RIMS2: variants seen among roughly 807,000 people sequenced by gnomAD.
RIMS2 encodes regulating synaptic membrane exocytosis protein 2.
In RIMS2, 59 loss-of-function variants were observed where a neutral mutation model predicts 174.4. The observed-to-expected ratio is 0.34, with a 90% confidence interval of 0.27 to 0.42. RIMS2 has a LOEUF of 0.42. Among genes scored for constraint, RIMS2 ranks in the 10% least tolerant of loss-of-function variants. The pLI, the probability that RIMS2 is intolerant of heterozygous loss-of-function variation, is 1.00. For synonymous variants in RIMS2, 606 were observed against 572.5 expected (o/e 1.06, Z -0.84); for missense variants, 1,620 against 1,666.3 (o/e 0.97, Z 0.48).
chr8:104,210,123 G>A (rs1420491592), intron 19 of RIMS2, among the ~76,000 whole-genome samples: 16 of 152,072 alleles, frequency 1.1e-4, no homozygotes, highest in Admixed American at 7.9e-4. Flanking sequence ...TTTTGTATAC[G>A]TAGAAACACC....
At chr8:103,821,164 A>G (rs2098749395) in intron 3 of RIMS2, among the ~76,000 whole-genome samples, 2 of 151,586 alleles carry the variant, frequency 1.3e-5, no homozygotes, top group African/African-American at 4.8e-5. Context: ...GAAAATAACT[A>G]TTTTTTGAGG....
At chr8:104,211,754 T>C (rs2099106394) in intron 19 of RIMS2, among the ~76,000 whole-genome samples, 1 of 152,166 alleles carries the variant, frequency 6.6e-6, no homozygotes, top group Non-Finnish European at 1.5e-5. Flanking sequence ...CCTCAAGTGA[T>C]CTGCCCAACT....
chr8:103,713,234 G>A (rs2097329403), intron 2 of RIMS2, among the ~76,000 whole-genome samples: 1 of 152,158 alleles, frequency 6.6e-6, no homozygotes, highest in African/African-American at 2.4e-5. Flanking sequence ...GGCCAGGCTG[G>A]TCTCGAACTA....
At chr8:104,157,078 A>G (rs2098729136) in intron 19 of RIMS2, among the ~76,000 whole-genome samples, 1 of 152,238 alleles carries the variant, frequency 6.6e-6, no homozygotes, top group Non-Finnish European at 1.5e-5. Context: ...CTTTAAAATT[A>G]TAACAGTGTT....
chr8:104,188,379 ATT>A (rs1423260443), intron 19 of RIMS2, among the ~76,000 whole-genome samples: 5 of 151,688 alleles, frequency 3.3e-5, no homozygotes, highest in Admixed American at 1.3e-4. Flanking sequence ...CCATTTCAAT[ATT>A]GTTTTTCTTT....
At chr8:103,549,444 C>T (rs1846626447) in intron 1 of RIMS2, among the ~76,000 whole-genome samples, 1 of 152,138 alleles carries the variant, frequency 6.6e-6, no homozygotes, top group Admixed American at 6.5e-5. Context: ...AACACCAGGC[C>T]TACCTTACAA....
chr8:103,635,918 G>C (rs555968690), intron 1 of RIMS2, among the ~76,000 whole-genome samples: 1 of 150,712 alleles, frequency 6.6e-6, no homozygotes, highest in East Asian at 2.0e-4. Context: ...TTGGGCAGGG[G>C]GTAGTTGGAG....
chr8:104,022,080 T>C (rs771436248), intron 19 of RIMS2, among the ~76,000 whole-genome samples: 1 of 152,082 alleles, frequency 6.6e-6, no homozygotes, highest in Non-Finnish European at 1.5e-5. Context: ...CAAAAGACCA[T>C]ATTAGGTTTA....
chr8:104,039,912 A>G (rs1474573016), intron 19 of RIMS2, among the ~76,000 whole-genome samples: 2 of 151,734 alleles, frequency 1.3e-5, no homozygotes, highest in African/African-American at 2.4e-5. Context: ...AATTGTGATG[A>G]GATTTAATGT....
At chr8:103,859,711 A>G (rs1165010573) in intron 3 of RIMS2, among the ~76,000 whole-genome samples, 1 of 152,032 alleles carries the variant, frequency 6.6e-6, no homozygotes, top group Non-Finnish European at 1.5e-5. Flanking sequence ...AACATACAAA[A>G]GAGGTTTACT....
At chr8:103,653,694 T>TA (rs1257889413) in intron 1 of RIMS2, among the ~76,000 whole-genome samples, 2 of 146,318 alleles carry the variant, frequency 1.4e-5, no homozygotes. Context: ...TTGATGAGGA[T>TA]AATCTCATGC....
intron 13 of RIMS2, among the ~76,000 whole-genome samples, chr8:103,942,462 GTTA>G (rs1208080119): frequency 1.3e-5 from 2 of 151,934 alleles, no homozygotes; most frequent in Non-Finnish European, 1.5e-5. Context: ...ACAAATATTA[GTTA>G]TTATTACAGT....
chr8:103,916,626 T>A, intron 8 of RIMS2, 89 bp downstream of exon 11: 1 of 1,057,396 alleles, frequency 9.5e-7, no homozygotes, highest in East Asian at 2.5e-5. Flanking sequence ...CTGATTGCTT[T>A]ATGGAAATGA....
chr8:103,648,586 T>TGTAG (rs2096389255), intron 1 of RIMS2, among the ~76,000 whole-genome samples: 1 of 151,934 alleles, frequency 6.6e-6, no homozygotes, highest in Non-Finnish European at 1.5e-5. Context: ...TAAGTCGTTT[T>TGTAG]GTCTCTAAGA....
intron 2 of RIMS2, among the ~76,000 whole-genome samples, chr8:103,711,033 G>T (rs997379655): frequency 6.6e-6 from 1 of 152,204 alleles, no homozygotes; most frequent in African/African-American, 2.4e-5. Flanking sequence ...GGAGTAACTG[G>T]TGTGAATAAC....
intron 9 of RIMS2, 31 bp downstream of exon 12, chr8:103,918,518 T>C (rs781735409): frequency 1.0e-5 from 15 of 1,467,570 alleles, no homozygotes; most frequent in Admixed American, 8.4e-5. Flanking sequence ...AAGAAAACGT[T>C]ATTTATAATT....
intron 2 of RIMS2, among the ~76,000 whole-genome samples, chr8:103,761,684 AGTT>A (rs2098114634): frequency 6.6e-6 from 1 of 152,216 alleles, no homozygotes; most frequent in South Asian, 2.1e-4. Flanking sequence ...AAAGGAAATA[AGTT>A]GTTGAATAGC....
intron 4 of RIMS2, among the ~76,000 whole-genome samples, chr8:103,890,622 T>TCGCTTTCCC (rs1362276514): frequency 6.6e-6 from 1 of 152,034 alleles, no homozygotes; most frequent in Non-Finnish European, 1.5e-5. Context: ...ACTAAATTGA[T>TCGCTTTCCC]CGCTTTCCCA....
intron 19 of RIMS2, among the ~76,000 whole-genome samples, chr8:104,086,010 AT>A (rs1391696913): frequency 1.3e-5 from 2 of 152,210 alleles, no homozygotes; most frequent in African/African-American, 4.8e-5. Context: ...GGATTATATG[AT>A]CCTGGGGTAA....
Sources: allele counts gnomAD v4.1 joint callset (sites outside exome capture counted in the v4.1 genomes callset), GRCh38; gene constraint gnomAD v4.1.1; transcripts MANE v1.5; gene names NCBI Gene and HGNC (gene_info 2026-07-23, HGNC 2026-07-21).